Variants in PLD5 observed in about 807,000 individuals in gnomAD.
PLD5 encodes inactive phospholipase D5.
Under a neutral mutation model 61.1 loss-of-function variants are expected in PLD5, and 36 were observed. The ratio of observed to expected loss-of-function variants is 0.59; its 90% CI spans 0.45 to 0.78. PLD5 has a LOEUF of 0.78. Ranked by LOEUF, PLD5 falls within the 30% of genes least tolerant of loss-of-function variation. PLD5 has a pLI of 0.00. For synonymous variants in PLD5, 243 were observed against 242.8 expected (o/e 1.00, Z -0.01); for missense variants, 515 against 644.4 (o/e 0.80, Z 2.17).
At chr1:242,283,154 T>C (rs906538918) in intron 3 of PLD5, among the ~76,000 whole-genome samples, 2 of 152,238 alleles carry the variant, frequency 1.3e-5, no homozygotes, top group African/African-American at 4.8e-5. Flanking sequence ...CACATATTCA[T>C]CATTCCTGTT....
chr1:242,328,488 A>C (rs1483518304), intron 2 of PLD5, among the ~76,000 whole-genome samples: 3 of 152,070 alleles, frequency 2.0e-5, no homozygotes. Flanking sequence ...CTACATATTT[A>C]TGTGTTCTAC....
chr1:242,118,661 G>A (rs1163994888), intron 6 of PLD5, among the ~76,000 whole-genome samples: 1 of 152,194 alleles, frequency 6.6e-6, no homozygotes, highest in Non-Finnish European at 1.5e-5. Flanking sequence ...GTCAACAGAT[G>A]TTTATAAGCA....
At chr1:242,483,050 T>C (rs1488537904) in intron 1 of PLD5, among the ~76,000 whole-genome samples, 1 of 152,156 alleles carries the variant, frequency 6.6e-6, no homozygotes, top group Non-Finnish European at 1.5e-5. Flanking sequence ...CAAGAGCTCC[T>C]GAAGGAAGCA....
chr1:242,485,079 T>G (rs1667911535), intron 1 of PLD5, among the ~76,000 whole-genome samples: 1 of 152,128 alleles, frequency 6.6e-6, no homozygotes, highest in Non-Finnish European at 1.5e-5. Context: ...AAGAGCTATT[T>G]ATGACAAACC....
At chr1:242,111,381 T>C (rs1661485854) in intron 7 of PLD5, among the ~76,000 whole-genome samples, 1 of 152,114 alleles carries the variant, frequency 6.6e-6, no homozygotes, top group African/African-American at 2.4e-5. Flanking sequence ...TCCTGTAGGA[T>C]TTATTTAGTC....
intron 5 of PLD5, among the ~76,000 whole-genome samples, chr1:242,205,209 C>T (rs146314910): frequency 5.4e-4 from 82 of 152,242 alleles, no homozygotes; most frequent in African/African-American, 1.9e-3. Flanking sequence ...TTGGGAATGA[C>T]CTCCTGATGA....
intron 5 of PLD5, among the ~76,000 whole-genome samples, chr1:242,143,130 C>T (rs1411356289): frequency 4.6e-5 from 7 of 151,864 alleles, no homozygotes; most frequent in African/African-American, 7.3e-5. Flanking sequence ...TAGGTTCAAG[C>T]GATTCTCCTG....
rs149968206 is a variant in PLD5 at position 242,350,148 on chromosome 1, C to T, written c.190-1906G>A. 7.2e-5 allele frequency among the ~76,000 whole-genome samples: 11 copies of T among 152,234 alleles called. No individual in the cohort carries two copies. The East Asian group carries it at 1.4e-3, about 19-fold the overall frequency. The stretch of plus-strand genomic sequence containing the variant: ...AGATGAAAAAGGAAATGGGCCCTCA[C>T]CAGATGCCAAATCTACCAGCATCTT... On this transcript the variant is annotated intron_variant, in intron 1 of 9. Coordinates refer to ENST00000536534, the MANE Select transcript of PLD5 (RefSeq NM_001372062.1).
At chr1:242,361,678 T>C (rs1231970861) in intron 1 of PLD5, among the ~76,000 whole-genome samples, 1 of 152,194 alleles carries the variant, frequency 6.6e-6, no homozygotes, top group Non-Finnish European at 1.5e-5. Flanking sequence ...AAGAAATAAA[T>C]ATTAAAACAT....
chr1:242,114,243 T>C (rs1177484745), intron 6 of PLD5, among the ~76,000 whole-genome samples: 1 of 152,118 alleles, frequency 6.6e-6, no homozygotes, highest in Non-Finnish European at 1.5e-5. Context: ...TGGAAAGAAT[T>C]CTTTTATTAT....
intron 5 of PLD5, among the ~76,000 whole-genome samples, chr1:242,171,352 A>G (rs987848594): frequency 1.1e-4 from 17 of 152,334 alleles, no homozygotes; most frequent in Non-Finnish European, 1.9e-4. Context: ...TTTTGTCACC[A>G]CCAGGCCTGC....
intron 1 of PLD5, among the ~76,000 whole-genome samples, chr1:242,377,750 A>G (rs1662048066): frequency 6.6e-6 from 1 of 152,216 alleles, no homozygotes; most frequent in Admixed American, 6.5e-5. Flanking sequence ...AAAATACACA[A>G]ATGATTAATA....
intron 2 of PLD5, among the ~76,000 whole-genome samples, chr1:242,292,710 C>G (rs1374106924): frequency 2.0e-5 from 3 of 152,140 alleles, no homozygotes; most frequent in Admixed American, 6.5e-5. Flanking sequence ...ATGAAACCTG[C>G]AATTTTGTCT....
chr1:242,186,419 G>A (rs994005246), intron 5 of PLD5, among the ~76,000 whole-genome samples: 4 of 152,150 alleles, frequency 2.6e-5, no homozygotes, highest in Non-Finnish European at 1.5e-5. Flanking sequence ...CTCACCTCAA[G>A]TGATCCACCC....
chr1:242,463,781 C>T (rs1383073719), intron 1 of PLD5, among the ~76,000 whole-genome samples: 1 of 147,870 alleles, frequency 6.8e-6, no homozygotes, highest in Non-Finnish European at 1.5e-5. Flanking sequence ...AAAAAAAAAT[C>T]AATTTTCTTA....
At chr1:242,407,737 C>T (rs1664322588) in intron 1 of PLD5, among the ~76,000 whole-genome samples, 1 of 151,878 alleles carries the variant, frequency 6.6e-6, no homozygotes, top group Admixed American at 6.6e-5. Flanking sequence ...TGCCACCACA[C>T]CTGGCTAATT....
At chr1:242,225,013 C>A (rs756163981) in intron 4 of PLD5, among the ~76,000 whole-genome samples, 1 of 152,136 alleles carries the variant, frequency 6.6e-6, no homozygotes, top group African/African-American at 2.4e-5. Context: ...GGATTTTTTG[C>A]GTGTGTGCCT....
At chr1:242,490,543 C>A (rs1572234618) in intron 1 of PLD5, among the ~76,000 whole-genome samples, 1 of 152,072 alleles carries the variant, frequency 6.6e-6, no homozygotes, top group African/African-American at 2.4e-5. Flanking sequence ...ATTTTTAATT[C>A]TCTTCACTGA....
At chr1:242,444,174 A>G (rs1233871406) in intron 1 of PLD5, among the ~76,000 whole-genome samples, 2 of 152,160 alleles carry the variant, frequency 1.3e-5, no homozygotes, top group Non-Finnish European at 2.9e-5. Flanking sequence ...TGGTATGTGT[A>G]ATTCATAATT....
Sources: allele counts gnomAD v4.1 joint callset (sites outside exome capture counted in the v4.1 genomes callset), GRCh38; gene constraint gnomAD v4.1.1; transcripts MANE v1.5; gene names NCBI Gene and HGNC (gene_info 2026-07-23, HGNC 2026-07-21).